CHD9: variants seen among roughly 807,000 people sequenced by gnomAD.
The protein encoded by CHD9 is chromodomain helicase DNA binding protein 9, also known as ATP-dependent chromatin remodeler CHD9.
In CHD9, 77 loss-of-function variants were observed where a neutral mutation model predicts 316.1. The ratio of observed to expected loss-of-function variants is 0.24; its 90% CI spans 0.20 to 0.29. The LOEUF is 0.29. Ranked by LOEUF, CHD9 falls within the 10% of genes least tolerant of loss-of-function variation. The pLI is 1.00. For missense variants in CHD9, 2,763 were observed against 3,438.1 expected, an observed-to-expected ratio of 0.80 and a Z score of 4.91; for synonymous variants, 1,129 against 1,158.3, an observed-to-expected ratio of 0.97 and a Z score of 0.51.
At chr16:53,293,870 C>T (rs2054563367) in intron 29 of CHD9, among the ~76,000 whole-genome samples, 2 of 152,020 alleles carry the variant, frequency 1.3e-5, no homozygotes, top group African/African-American at 4.8e-5. Context: ...ATCGCTTGAT[C>T]CCAGGAGGCA....
chr16:53,271,297 G>A (rs2052235582), intron 22 of CHD9, among the ~76,000 whole-genome samples: 2 of 152,062 alleles, frequency 1.3e-5, no homozygotes, highest in Admixed American at 6.6e-5. Context: ...GGCTGGGCAC[G>A]GTGGCTCACC....
intron 1 of CHD9, among the ~76,000 whole-genome samples, chr16:53,081,012 G>T (rs955746295): frequency 6.6e-6 from 1 of 152,186 alleles, no homozygotes; most frequent in Non-Finnish European, 1.5e-5. Flanking sequence ...ACGCAAAGTG[G>T]GTCTGGTGTC....
At chr16:53,261,109 A>AAG (rs1567579145) in intron 19 of CHD9, among the ~76,000 whole-genome samples, 1 of 151,244 alleles carries the variant, frequency 6.6e-6, no homozygotes, top group African/African-American at 2.4e-5. Flanking sequence ...AAAAAAAAAA[A>AAG]GGGAATTTAA....
In CHD9 at chr16:53,304,552, CT is replaced by C; in HGVS notation, c.6547del (p.Ser2183LeufsTer30). The stretch of plus-strand genomic sequence containing the variant: ...CATCTTCTTCATCCTCTTCCTCCAC[CT>C]CTTCCTCCTCCTCCTCCTCTTCATC... ...SASSSSSSSTSSSSSSSSSSS... is the reference protein window; with the variant it reads ...SASSSSSSSTXSSSSSSSSSS... On this transcript the variant is annotated frameshift_variant, in exon 31 of 39. Transcript: ENST00000447540. LOFTEE classifies it high-confidence loss of function. 1 of 1,545,900 alleles carries C rather than the reference CT, an allele frequency of 6.5e-7. No homozygotes were observed. Among genetic ancestry groups the C allele is most frequent in the Non-Finnish European group, 8.8e-7 (1 of 1,141,532 alleles).
intron 34 of CHD9, chr16:53,311,151 AGGTGAC>A (rs1421197930): frequency 6.6e-6 from 1 of 150,772 alleles, no homozygotes; most frequent in African/African-American, 2.4e-5. Flanking sequence ...CTGCACTCCT[AGGTGAC>A]AGAGCAAGAC....
intron 3 of CHD9, among the ~76,000 whole-genome samples, chr16:53,217,806 T>C (rs1449754203): frequency 6.6e-6 from 1 of 152,058 alleles, no homozygotes; most frequent in African/African-American, 2.4e-5. Flanking sequence ...GGGTTTTACT[T>C]TGTTTCCCAG....
chr16:53,246,920 T>C (rs999521814), intron 15 of CHD9, among the ~76,000 whole-genome samples: 5 of 152,256 alleles, frequency 3.3e-5, no homozygotes, highest in African/African-American at 1.2e-4. Context: ...ACCACTGTTA[T>C]GATTGCTGTT....
intron 22 of CHD9, among the ~76,000 whole-genome samples, chr16:53,270,403 G>C (rs1002763996): frequency 6.6e-6 from 1 of 152,036 alleles, no homozygotes; most frequent in Admixed American, 6.6e-5. Context: ...TGATAATAGT[G>C]TTGTAGCTAT....
chr16:53,132,537 C>T (rs1481239209), intron 1 of CHD9, among the ~76,000 whole-genome samples: 1 of 152,164 alleles, frequency 6.6e-6, no homozygotes, highest in Non-Finnish European at 1.5e-5. Flanking sequence ...TATACAAAAG[C>T]TGAACTTAAA....
rs2036092906 is a variant in CHD9 at position 53,093,126 on chromosome 16, A to C, written c.-165+38049A>C. Among the ~76,000 whole-genome samples, 3 of 152,230 alleles carry C rather than the reference A, an allele frequency of 2.0e-5. No individual in the cohort carries two copies. In the South Asian group the frequency reaches 6.2e-4, roughly 31 times the overall value. On this transcript the variant is annotated intron_variant, in intron 1 of 38. Transcript: ENST00000447540. ...TTCTTGAAGAGTGAGAAAGATATCA[A>C]AATTCAGTGACTCTCATCATTGCCT...
chr16:53,285,844 A>G (rs2053824072), intron 25 of CHD9, 145 bp downstream of exon 25: 3 of 530,080 alleles, frequency 5.7e-6, no homozygotes, highest in Non-Finnish European at 9.9e-6. Context: ...CTACCAAACT[A>G]TGTCTGTCAG....
At chr16:53,172,074 A>G (rs189588363) in intron 2 of CHD9, among the ~76,000 whole-genome samples, 1 of 152,326 alleles carries the variant, frequency 6.6e-6, no homozygotes, top group Admixed American at 6.5e-5. Context: ...TATTTAAAGT[A>G]TAGAATTGGG....
Position 53,209,439 on chromosome 16 carries a change from T to G in CHD9, c.1453-43T>G, listed in dbSNP as rs750966434. 3.2e-6 allele frequency: 4 copies of G among 1,264,264 alleles called. No individual in the cohort carries two copies. The African/African-American group carries it at 4.6e-5, about 14-fold the overall frequency. The allele number at this position is 1,264,264 out of a possible 1,614,324, so 78.3% of individuals were successfully genotyped here. A position where few individuals can be genotyped will look rare whatever the true frequency, so the allele number is the denominator to read the frequency against. ...AGATATTTGTGACAATTGTTTTAGA[T>G]GTACTTTGGTATATTCTATAAAAAA... is the stretch of plus-strand genomic sequence containing the variant. On this transcript the variant is annotated intron_variant, in intron 2 of 38. Coordinates refer to ENST00000447540, the MANE Select transcript of CHD9 (RefSeq NM_001308319.2).
At position 53,235,304 on chromosome 16, in the gene CHD9, T is replaced by A; in HGVS notation, c.2631T>A (p.Asn877Lys). 1 of 1,540,002 alleles carries A rather than the reference T, an allele frequency of 6.5e-7. No individual in the cohort carries two copies. The highest frequency in any genetic ancestry group is 8.8e-7 in the Non-Finnish European group (1 of 1,140,228). The change falls in exon 11 of 39, where the codon AAT (asparagine) becomes AAA (lysine). Residue 877 changes from asparagine (N) to lysine (K), a missense_variant and splice_region_variant. Asn to Lys is a moderately conservative substitution (Grantham distance 94). Around this residue, in one of 15 missense-constraint regions of CHD9, gnomAD observed 186 missense variants for 245.0 expected, o/e 0.76. Transcript: ENST00000447540. Reference sequence around the variant, plus strand: ...ACTGGCTCTTGTTCAATTGGTACAATAGGTATGTAGTATATCTTAATAAAA... The same window carrying A: ...ACTGGCTCTTGTTCAATTGGTACAAAAGGTATGTAGTATATCTTAATAAAA... ...GLNWLLFNWY[N>K]RRNCILADEM...
intron 34 of CHD9, among the ~76,000 whole-genome samples, chr16:53,309,462 T>C (rs1014425405): frequency 6.6e-6 from 1 of 152,232 alleles, no homozygotes; most frequent in Non-Finnish European, 1.5e-5. Flanking sequence ...ATGATAAATC[T>C]TAGCATTTTG....
rs929858966 is a variant in CHD9 at position 53,314,575 on chromosome 16, A to G, written c.7362+59A>G. On this transcript the variant is annotated intron_variant, in intron 35 of 38. Transcript: ENST00000447540. Reference sequence around the variant, plus strand: ...AATTCAAAATTCAATCCTAATAAATATACATATTATTGTTTTGTGAATGTT... The same window carrying G: ...AATTCAAAATTCAATCCTAATAAATGTACATATTATTGTTTTGTGAATGTT... The G allele has an allele frequency of 3.0e-6, 4 of 1,314,852 alleles. No homozygotes were observed. In the African/African-American group the frequency reaches 6.0e-5, roughly 20 times the overall value. 81.4% of individuals were successfully genotyped at this position (1,314,852 alleles called of 1,614,324 possible).
At chr16:53,075,566 C>A (rs2034452648) in intron 1 of CHD9, among the ~76,000 whole-genome samples, 1 of 152,066 alleles carries the variant, frequency 6.6e-6, no homozygotes, top group Non-Finnish European at 1.5e-5. Flanking sequence ...CCATACTGTT[C>A]TCTTGGTAGT....
intron 1 of CHD9, among the ~76,000 whole-genome samples, chr16:53,134,809 C>T (rs2039597721): frequency 6.6e-6 from 1 of 152,138 alleles, no homozygotes; most frequent in Non-Finnish European, 1.5e-5. Flanking sequence ...TCCATTTATT[C>T]ATTAAATGTA....
intron 7 of CHD9, among the ~76,000 whole-genome samples, chr16:53,228,529 A>G (rs1288121138): frequency 6.9e-6 from 1 of 144,668 alleles, no homozygotes; most frequent in East Asian, 2.0e-4. Context: ...TTGTACCTCC[A>G]TGAAAGTGTT....
Sources: gnomAD v4.1 joint callset for allele counts (sites outside exome capture counted in the v4.1 genomes callset) on GRCh38, gnomAD v4.1.1 for gene constraint, gnomAD v4.1.1 regional missense constraint, MANE v1.5 for transcripts, NCBI Gene and HGNC (gene_info 2026-07-23, HGNC 2026-07-21) for gene names.